The following SRGAP3 variants were observed in gnomAD, a reference collection of about 807,000 sequenced individuals.
SRGAP3 encodes SLIT-ROBO Rho GTPase-activating protein 3.
A neutral mutation model predicts 121.1 loss-of-function variants in SRGAP3; 39 were observed. The ratio of observed to expected loss-of-function variants is 0.32; its 90% CI spans 0.25 to 0.42. SRGAP3 has a LOEUF of 0.42. Among genes scored for constraint, SRGAP3 ranks in the 10% least tolerant of loss-of-function variants. The probability of loss-of-function intolerance (pLI) is 1.00; values close to 1 mark genes in which losing one functional copy is unlikely to be tolerated. For synonymous variants in SRGAP3, 601 were observed against 570.0 expected (o/e 1.05, Z -0.77); for missense variants, 1,213 against 1,470.6 (o/e 0.82, Z 2.86).
At chr3:9,181,304 G>C (rs73019382) in intron 1 of SRGAP3, among the ~76,000 whole-genome samples, 9,865 of 152,180 alleles carry the variant, frequency 0.065, 436 homozygotes, top group African/African-American at 0.11. Context: ...GGCATTGAAG[G>C]GCCAGCCAAA....
chr3:9,298,229 C>T (rs1434204722), intron 3 of SRGAP3, among the ~76,000 whole-genome samples: 1 of 152,094 alleles, frequency 6.6e-6, no homozygotes, highest in South Asian at 2.1e-4. Context: ...AATGTACTTA[C>T]CATAGTGCTT....
intron 3 of SRGAP3, among the ~76,000 whole-genome samples, chr3:9,302,704 G>A (rs1468609708): frequency 1.3e-5 from 2 of 152,186 alleles, no homozygotes; most frequent in African/African-American, 4.8e-5. Flanking sequence ...GTGAGGAAGG[G>A]CTAGCGTCTG....
chr3:9,113,934 C>T (rs1560178325), intron 2 of SRGAP3, among the ~76,000 whole-genome samples: 1 of 151,966 alleles, frequency 6.6e-6, no homozygotes, highest in Non-Finnish European at 1.5e-5. Flanking sequence ...CTTTATTATC[C>T]CCCACCCACC....
At chr3:9,327,287 C>T (rs964369873) in intron 2 of SRGAP3, among the ~76,000 whole-genome samples, 12 of 151,800 alleles carry the variant, frequency 7.9e-5, no homozygotes, top group African/African-American at 2.4e-4. Context: ...AACTGAATAA[C>T]ACCATTTTAA....
intron 2 of SRGAP3, 109 bp downstream of exon 2, chr3:9,124,603 GCCCTGAAGGCACA>G: frequency 5.5e-6 from 7 of 1,270,012 alleles, no homozygotes; most frequent in Non-Finnish European, 7.9e-6. Context: ...CAGAGCCAGG[GCCCTGAAGGCACA>G]CCCTCTGCCT....
chr3:9,152,399 C>G (rs77741743), intron 1 of SRGAP3, among the ~76,000 whole-genome samples: 3,970 of 152,318 alleles, frequency 0.026, 162 homozygotes, highest in African/African-American at 0.09. Context: ...CTCTCTCTCT[C>G]TGTGTCTCTC....
chr3:9,150,939 T>A (rs1054890861), intron 1 of SRGAP3, among the ~76,000 whole-genome samples: 6 of 152,182 alleles, frequency 3.9e-5, no homozygotes, highest in Admixed American at 1.3e-4. Context: ...TAGAAGAAAC[T>A]GGGTCAACTC....
chr3:9,025,905 A>G (rs568480309), intron 13 of SRGAP3, among the ~76,000 whole-genome samples: 92 of 152,328 alleles, frequency 6.0e-4, no homozygotes, highest in Middle Eastern at 3.4e-3. Flanking sequence ...TTTCCACATT[A>G]TAATTTAGGA....
chr3:9,291,445 A>G (rs77015625), intron 3 of SRGAP3, among the ~76,000 whole-genome samples: 238 of 152,312 alleles, frequency 1.6e-3, no homozygotes, highest in African/African-American at 5.6e-3. Context: ...TGCTTCCACC[A>G]ACGGGTCACA....
chr3:9,336,576 C>T (rs572690108), intron 1 of SRGAP3, among the ~76,000 whole-genome samples: 4 of 151,816 alleles, frequency 2.6e-5, no homozygotes, highest in East Asian at 1.9e-4. Flanking sequence ...AAAGAGAGCA[C>T]GATGGGTAGA....
At chr3:9,088,834 G>A (rs750683408) in intron 3 of SRGAP3, among the ~76,000 whole-genome samples, 12 of 152,098 alleles carry the variant, frequency 7.9e-5, no homozygotes, top group Non-Finnish European at 1.2e-4. Context: ...CAGCAATGCC[G>A]AGCCCCTGTT....
At chr3:9,014,181 A>G in intron 15 of SRGAP3, 1 of 396,442 alleles carries the variant, frequency 2.5e-6, no homozygotes, top group Non-Finnish European at 4.8e-6. Context: ...CCTAAGAGTG[A>G]AGCTGGCATA....
At chr3:9,312,049 G>A (rs554612979) in intron 3 of SRGAP3, among the ~76,000 whole-genome samples, 7 of 152,210 alleles carry the variant, frequency 4.6e-5, no homozygotes, top group South Asian at 4.1e-4. Context: ...CTGCACAATC[G>A]TCTGTGCATG....
intron 3 of SRGAP3, among the ~76,000 whole-genome samples, chr3:9,266,979 G>A (rs997460137): frequency 1.3e-5 from 2 of 152,144 alleles, no homozygotes; most frequent in African/African-American, 4.8e-5. Flanking sequence ...TCAGTGTTAG[G>A]TCAAGAAACT....
At chr3:9,197,929 T>C (rs1951960814) in intron 1 of SRGAP3, among the ~76,000 whole-genome samples, 1 of 152,256 alleles carries the variant, frequency 6.6e-6, no homozygotes, top group South Asian at 2.1e-4. Context: ...AATTACCCAA[T>C]TTAGGTAGAA....
intron 1 of SRGAP3, among the ~76,000 whole-genome samples, chr3:9,356,467 G>A (rs1234667867): frequency 2.1e-5 from 3 of 142,804 alleles, no homozygotes; most frequent in African/African-American, 7.9e-5. Context: ...CTGCCTCCCG[G>A]GTTCATGCCA....
Position 9,058,402 on chromosome 3 carries a change from A to G in SRGAP3, c.872T>C (p.Leu291Pro), listed in dbSNP as rs770280365. 6.2e-7 allele frequency: 1 copy of G among 1,614,222 alleles called. No individual in the cohort carries two copies. Among genetic ancestry groups the G allele is most frequent in the South Asian group, 1.1e-5 (1 of 91,082 alleles). Residue 291 changes from leucine (L) to proline (P), a missense_variant, in exon 7 of 22, where the codon CTG becomes CCG. Physicochemically the swap from Leu to Pro is moderately conservative, Grantham distance 98 (BLOSUM62 -3). Transcript: ENST00000383836. ...CAGCCCTTCGTGGCGAGAGGTCTCC[A>G]GGTTGTATTCAGCTGAGAGATAGGT... is the stretch of plus-strand genomic sequence containing the variant. ...FRTYLSAEYNLETSRHEGLDV... is the reference protein window; with the variant it reads ...FRTYLSAEYNPETSRHEGLDV...
At chr3:9,112,432 G>T (rs1221954320) in intron 2 of SRGAP3, among the ~76,000 whole-genome samples, 1 of 152,254 alleles carries the variant, frequency 6.6e-6, no homozygotes, top group Non-Finnish European at 1.5e-5. Flanking sequence ...GTAAGTGTGT[G>T]CCTGTTCTGT....
intron 3 of SRGAP3, among the ~76,000 whole-genome samples, chr3:9,321,095 G>A (rs75799169): frequency 0.018 from 2,720 of 151,888 alleles, 51 homozygotes; most frequent in Middle Eastern, 0.024. Context: ...TGGAACCAAG[G>A]TGTCATATGA....
Sources: allele counts gnomAD v4.1 joint callset (sites outside exome capture counted in the v4.1 genomes callset), GRCh38; gene constraint gnomAD v4.1.1; transcripts MANE v1.5; gene names NCBI Gene and HGNC (gene_info 2026-07-23, HGNC 2026-07-21).